RMDN2: variants seen among roughly 807,000 people sequenced by gnomAD.
RMDN2 encodes the protein regulator of microtubule dynamics 2.
RMDN2 carries 61 observed loss-of-function variants against 52.8 expected under a neutral mutation model. That is an observed-to-expected ratio of 1.16 (90% confidence interval 0.94 to 1.43). The LOEUF (loss-of-function observed/expected upper bound fraction) is 1.43. Ranked by LOEUF, RMDN2 falls within the 40% of genes most tolerant of loss-of-function variation. RMDN2 has a pLI of 0.00. For synonymous variants in RMDN2, 180 were observed against 153.1 expected (o/e 1.18, Z -1.30); for missense variants, 592 against 475.3 (o/e 1.25, Z -2.28).
At chr2:38,007,402 A>G (rs987584303) in intron 10 of RMDN2, among the ~76,000 whole-genome samples, 3 of 152,202 alleles carry the variant, frequency 2.0e-5, no homozygotes, top group Admixed American at 2.0e-4. Context: ...TGGTCTGTTA[A>G]GAGATTCAAC....
intron 10 of RMDN2, among the ~76,000 whole-genome samples, chr2:38,048,095 C>G (rs981886603): frequency 6.6e-6 from 1 of 152,214 alleles, no homozygotes; most frequent in African/African-American, 2.4e-5. Context: ...TCATTCTAAA[C>G]TTCATTTCTC....
chr2:37,977,610 C>T (rs925308792), intron 4 of RMDN2, among the ~76,000 whole-genome samples: 25 of 149,904 alleles, frequency 1.7e-4, no homozygotes, highest in Admixed American at 2.0e-4. Flanking sequence ...TCAGACCGGG[C>T]GGCCGCTCAG....
At chr2:38,040,693 T>G (rs4670231) in intron 10 of RMDN2, among the ~76,000 whole-genome samples, 102,709 of 152,098 alleles carry the variant, frequency 0.68, 35,386 homozygotes, top group East Asian at 0.92. Context: ...TATTGTATTG[T>G]CTGTTCTGGG....
chr2:37,969,791 T>G (rs1671550707), intron 2 of RMDN2, among the ~76,000 whole-genome samples: 1 of 70,998 alleles, frequency 1.4e-5, no homozygotes, highest in African/African-American at 2.9e-5. Flanking sequence ...GTGTGAAATG[T>G]ATTATTGTAT....
intron 6 of RMDN2, among the ~76,000 whole-genome samples, 166 bp downstream of exon 6, chr2:37,989,782 G>C (rs138067392): frequency 6.6e-6 from 1 of 152,230 alleles, no homozygotes; most frequent in African/African-American, 2.4e-5. Flanking sequence ...TTAAATGTTA[G>C]AAAATGAAAT....
chr2:37,947,693 AG>A (rs1162689219), intron 2 of RMDN2, among the ~76,000 whole-genome samples: 6 of 152,230 alleles, frequency 3.9e-5, no homozygotes, highest in Non-Finnish European at 5.9e-5. Context: ...TTATTATTGA[AG>A]AATGATACTA....
In RMDN2 at chr2:38,036,879, A is replaced by G. The variant is rs562544590; in HGVS notation, c.1714-30103A>G. On this transcript the variant is annotated intron_variant, in intron 10 of 10. Transcript: ENST00000234195. ...TGGGAAAGTAACTAGGCAAAAATCCATGGTGCTGGCTACGGTACAAAGATG... is the reference window on the plus strand; with the variant it reads ...TGGGAAAGTAACTAGGCAAAAATCCGTGGTGCTGGCTACGGTACAAAGATG... The G allele has an allele frequency of 2.0e-5, 3 of 152,384 alleles. No individual in the cohort carries two copies. The East Asian group carries it at 5.8e-4, about 29-fold the overall frequency. 9.4% of individuals were successfully genotyped at this position (152,384 alleles called of 1,614,324 possible). A position where few individuals can be genotyped will look rare whatever the true frequency, so the allele number is the denominator to read the frequency against.
chr2:37,947,995 C>T (rs1426980290), intron 2 of RMDN2, among the ~76,000 whole-genome samples: 1 of 152,094 alleles, frequency 6.6e-6, no homozygotes, highest in Non-Finnish European at 1.5e-5. Flanking sequence ...TTCTAGACTC[C>T]AGCTTAGATA....
At chr2:37,931,700 A>G (rs1026645415) in intron 2 of RMDN2, among the ~76,000 whole-genome samples, 2 of 152,280 alleles carry the variant, frequency 1.3e-5, no homozygotes, top group African/African-American at 4.8e-5. Flanking sequence ...GGACTTAATG[A>G]ATTTCAAGTA....
intron 10 of RMDN2, chr2:38,030,599 A>G (rs1680126575): frequency 6.6e-6 from 1 of 152,246 alleles, no homozygotes; most frequent in Admixed American, 6.5e-5. Flanking sequence ...TTAATTGTAA[A>G]AAACTGGCTT....
At chr2:37,941,716 C>T (rs959065509) in intron 2 of RMDN2, among the ~76,000 whole-genome samples, 10 of 152,268 alleles carry the variant, frequency 6.6e-5, no homozygotes, top group African/African-American at 9.6e-5. Context: ...TGCCTACTCA[C>T]GCCTCAGTAA....
chr2:38,025,433 G>A (rs937263936), intron 10 of RMDN2, among the ~76,000 whole-genome samples: 3 of 152,000 alleles, frequency 2.0e-5, no homozygotes, highest in Non-Finnish European at 2.9e-5. Flanking sequence ...TATAAAGACA[G>A]TTTTACTTCT....
At chr2:38,020,180 TTATTTC>T (rs1679238247), downstream of RMDN2, among the ~76,000 whole-genome samples, 1 of 152,152 alleles carries the variant, frequency 6.6e-6, no homozygotes, top group East Asian at 1.9e-4. Flanking sequence ...AGTGTGCACT[TTATTTC>T]TATTATTATT....
At chr2:37,974,272 CT>C in intron 3 of RMDN2, 58 bp downstream of exon 3, 1 of 1,109,282 alleles carries the variant, frequency 9.0e-7, no homozygotes, top group Non-Finnish European at 1.3e-6. Context: ...AATCTGCCAT[CT>C]GTTTCAGTTA....
At chr2:38,043,002 A>G (rs1036010775) in intron 10 of RMDN2, among the ~76,000 whole-genome samples, 1 of 152,234 alleles carries the variant, frequency 6.6e-6, no homozygotes, top group African/African-American at 2.4e-5. Flanking sequence ...TATATCATTT[A>G]TATCAAGATG....
chr2:37,984,731 GAA>G (rs779700943), intron 5 of RMDN2, among the ~76,000 whole-genome samples: 11 of 151,866 alleles, frequency 7.2e-5, no homozygotes, highest in Non-Finnish European at 1.5e-4. Flanking sequence ...TCAATGCAAA[GAA>G]AAATACAGTG....
At chr2:37,938,455 G>A (rs1667499459) in intron 2 of RMDN2, among the ~76,000 whole-genome samples, 3 of 152,106 alleles carry the variant, frequency 2.0e-5, no homozygotes. Context: ...GTTTGGAATA[G>A]TTTCAGAAGG....
intron 8 of RMDN2, chr2:37,997,777 G>A: frequency 2.6e-6 from 1 of 385,354 alleles, no homozygotes; most frequent in Non-Finnish European, 4.8e-6. Flanking sequence ...TGAAGGTTTA[G>A]GTTTGACAGC....
intron 10 of RMDN2, chr2:38,027,337 G>A (rs970846631): frequency 9.9e-5 from 15 of 152,100 alleles, no homozygotes; most frequent in African/African-American, 3.6e-4. Flanking sequence ...GCTGTCCAAT[G>A]TCTTGAAAAC....
Sources: allele counts gnomAD v4.1 joint callset (sites outside exome capture counted in the v4.1 genomes callset), GRCh38; gene constraint gnomAD v4.1.1; transcripts MANE v1.5; gene names NCBI Gene and HGNC (gene_info 2026-07-23, HGNC 2026-07-21).